Variants in BBS9 observed in about 807,000 individuals in gnomAD.
The protein encoded by BBS9 is protein PTHB1.
BBS9 carries 89 observed loss-of-function variants against 117.7 expected under a neutral mutation model. The ratio of observed to expected loss-of-function variants is 0.76; its 90% CI spans 0.64 to 0.90. BBS9 has a LOEUF of 0.90. Ranked by LOEUF, BBS9 falls within the 40% of genes least tolerant of loss-of-function variation. The pLI, the probability that BBS9 is intolerant of heterozygous loss-of-function variation, is 0.00. For synonymous variants in BBS9, 379 were observed against 370.9 expected, an observed-to-expected ratio of 1.02 and a Z score of -0.25; for missense variants, 982 against 1,042.2, an observed-to-expected ratio of 0.94 and a Z score of 0.80.
At chr7:33,548,807 C>T (rs1391713609) in intron 21 of BBS9, among the ~76,000 whole-genome samples, 1 of 150,614 alleles carries the variant, frequency 6.6e-6, no homozygotes, top group Non-Finnish European at 1.5e-5. Context: ...ACATTCCATG[C>T]TCATGGGTAG....
At chr7:33,379,995 T>G (rs974305751) in intron 17 of BBS9, 3 of 152,754 alleles carry the variant, frequency 2.0e-5, no homozygotes, top group African/African-American at 4.8e-5. Context: ...AAGGAGAAGC[T>G]GCACAAAGCT....
Position 33,239,089 on chromosome 7 carries a change from C to T in BBS9, c.443-18147C>T, listed in dbSNP as rs1219144224. 3.3e-5 allele frequency among the ~76,000 whole-genome samples: 5 copies of T among 152,056 alleles called. No homozygotes were observed. The East Asian group carries it at 9.6e-4, about 29-fold the overall frequency. On this transcript the variant is annotated intron_variant, in intron 5 of 22. Coordinates refer to ENST00000242067, the MANE Select transcript of BBS9 (RefSeq NM_198428.3). ...CAGAGATGGGCTTAATTTATGTTTT[C>T]ATTAGCTGTGTGTAATATCTGTGCC...
chr7:33,592,032 T>C (rs551534638), intron 21 of BBS9, among the ~76,000 whole-genome samples: 97 of 152,230 alleles, frequency 6.4e-4, no homozygotes, highest in African/African-American at 2.3e-3. Context: ...GGTGACAATT[T>C]TGCCATTCAC....
chr7:33,580,031 C>T (rs918551106), intron 21 of BBS9, among the ~76,000 whole-genome samples: 18 of 152,090 alleles, frequency 1.2e-4, no homozygotes, highest in Admixed American at 2.6e-4. Flanking sequence ...TAACATTTGT[C>T]GACCACTTTT....
intron 21 of BBS9, among the ~76,000 whole-genome samples, chr7:33,631,946 C>A (rs2129229946): frequency 6.6e-6 from 1 of 152,226 alleles, no homozygotes; most frequent in African/African-American, 2.4e-5. Context: ...AATCACAGAG[C>A]TAATTAGTGC....
intron 19 of BBS9, among the ~76,000 whole-genome samples, chr7:33,497,973 C>G (rs757772961): frequency 6.6e-6 from 1 of 152,078 alleles, no homozygotes; most frequent in Non-Finnish European, 1.5e-5. Context: ...GAGCCCTAAA[C>G]TATAGAAAAT....
intron 21 of BBS9, among the ~76,000 whole-genome samples, chr7:33,596,538 G>A (rs551975837): frequency 5.9e-5 from 9 of 152,170 alleles, no homozygotes; most frequent in Non-Finnish European, 1.3e-4. Context: ...GGATGGATCA[G>A]AGGAAGTGCA....
chr7:33,406,098 T>G (rs569657639), intron 19 of BBS9, among the ~76,000 whole-genome samples: 5 of 152,244 alleles, frequency 3.3e-5, no homozygotes, highest in Admixed American at 3.3e-4. Context: ...TTTCGTTATG[T>G]ACCCAGTAGT....
At chr7:33,294,335 A>ATCTATCTATCTG (rs1804781759) in intron 9 of BBS9, among the ~76,000 whole-genome samples, 1 of 129,198 alleles carries the variant, frequency 7.7e-6, no homozygotes, top group African/African-American at 3.0e-5. Context: ...CTATCTATCT[A>ATCTATCTATCTG]TCTATCTATC....
chr7:33,150,444 A>G (rs1222787288), intron 2 of BBS9, among the ~76,000 whole-genome samples: 3 of 152,186 alleles, frequency 2.0e-5, no homozygotes, highest in African/African-American at 2.4e-5. Context: ...CCAGATGACT[A>G]GAGATGATAA....
At chr7:33,229,042 T>G (rs988999949) in intron 5 of BBS9, among the ~76,000 whole-genome samples, 3 of 152,196 alleles carry the variant, frequency 2.0e-5, no homozygotes, top group Non-Finnish European at 4.4e-5. Context: ...GCTTTATTTA[T>G]TTTAACTTTC....
At chr7:33,569,132 C>T (rs1857365958) in intron 21 of BBS9, among the ~76,000 whole-genome samples, 1 of 152,050 alleles carries the variant, frequency 6.6e-6, no homozygotes, top group Admixed American at 6.6e-5. Flanking sequence ...ATATTGATAA[C>T]ATATTTACAC....
At chr7:33,179,473 A>G (rs1162803825) in intron 5 of BBS9, among the ~76,000 whole-genome samples, 3 of 152,074 alleles carry the variant, frequency 2.0e-5, no homozygotes, top group Non-Finnish European at 2.9e-5. Context: ...TGAGATTCTC[A>G]TAGGAGCACA....
At chr7:33,395,247 AC>A (rs1827751692) in intron 19 of BBS9, among the ~76,000 whole-genome samples, 1 of 152,144 alleles carries the variant, frequency 6.6e-6, no homozygotes, top group Admixed American at 6.5e-5. Context: ...TGGGTGTGTG[AC>A]TTTGTTGATT....
intron 21 of BBS9, among the ~76,000 whole-genome samples, chr7:33,570,717 A>G (rs1438119496): frequency 1.3e-5 from 2 of 152,254 alleles, no homozygotes; most frequent in Non-Finnish European, 2.9e-5. Context: ...AATGAGACAT[A>G]TCAACATCAT....
At chr7:33,442,126 A>C (rs1342618707) in intron 19 of BBS9, among the ~76,000 whole-genome samples, 1 of 152,100 alleles carries the variant, frequency 6.6e-6, no homozygotes, top group African/African-American at 2.4e-5. Flanking sequence ...TCCTGACCTT[A>C]GGTGATCCGC....
chr7:33,505,528 G>A lies in BBS9; in HGVS notation c.2181G>A (p.Leu727=), dbSNP rs1430212555. Residue 727 remains leucine (L), a synonymous_variant, in exon 20 of 23, where the codon CTG becomes CTA. Transcript: ENST00000242067. ...ATCTGTTCCAGTCATTCACCAGGCT[G>A]AAGAGTGCCACCCATTTGGTGATTC... ...QGNLFQSFTR[L]KSATHLVILL... 1 of 1,614,186 alleles carries A rather than the reference G, an allele frequency of 6.2e-7. No individual in the cohort carries two copies. The highest frequency in any genetic ancestry group is 8.5e-7 in the Non-Finnish European group (1 of 1,179,996).
intron 20 of BBS9, among the ~76,000 whole-genome samples, chr7:33,510,802 G>C (rs1162268945): frequency 6.6e-6 from 1 of 152,204 alleles, no homozygotes; most frequent in Non-Finnish European, 1.5e-5. Flanking sequence ...AGAAAGTTCT[G>C]TTGCATAGCA....
chr7:33,529,207 T>C (rs932498101), intron 20 of BBS9, among the ~76,000 whole-genome samples: 5 of 152,204 alleles, frequency 3.3e-5, no homozygotes, highest in Admixed American at 3.3e-4. Flanking sequence ...TAGGAGCCTC[T>C]GCACAGGCTG....
Sources: allele counts gnomAD v4.1 joint callset (sites outside exome capture counted in the v4.1 genomes callset), GRCh38; gene constraint gnomAD v4.1.1; transcripts MANE v1.5; gene names NCBI Gene and HGNC (gene_info 2026-07-23, HGNC 2026-07-21).